The following DPP10 variants were observed in gnomAD, a reference collection of about 807,000 sequenced individuals.
The protein encoded by DPP10 is dipeptidyl peptidase like 10.
Under a neutral mutation model 120.9 loss-of-function variants are expected in DPP10, and 33 were observed. The observed-to-expected ratio is 0.27, with a 90% CI of 0.21 to 0.37. The LOEUF is 0.37. Among genes scored for constraint, DPP10 ranks in the 10% least tolerant of loss-of-function variants. The pLI, the probability that DPP10 is intolerant of heterozygous loss-of-function variation, is 1.00. For missense variants in DPP10, 816 were observed against 942.8 expected (o/e 0.87, Z 1.76); for synonymous variants, 337 against 326.1 (o/e 1.03, Z -0.36).
At chr2:115,742,328 T>C (rs1313124333) in intron 9 of DPP10, among the ~76,000 whole-genome samples, 2 of 152,188 alleles carry the variant, frequency 1.3e-5, no homozygotes, top group South Asian at 2.1e-4. Context: ...CATATACATA[T>C]GGAGCTCTGT....
chr2:115,382,070 G>T (rs1392455023), intron 3 of DPP10, among the ~76,000 whole-genome samples: 2 of 152,188 alleles, frequency 1.3e-5, no homozygotes, highest in Non-Finnish European at 2.9e-5. Context: ...TTGAGCTGTG[G>T]TGGGCTCCAC....
At chr2:115,753,031 A>G (rs952245837) in intron 10 of DPP10, 143 bp from the exon 11 acceptor site, 8 of 568,884 alleles carry the variant, frequency 1.4e-5, no homozygotes, top group African/African-American at 3.8e-5. Flanking sequence ...CTATTTATCT[A>G]TCTATCTATA....
intron 1 of DPP10, among the ~76,000 whole-genome samples, chr2:114,901,915 A>T (rs539617719): frequency 6.6e-6 from 1 of 152,346 alleles, no homozygotes; most frequent in African/African-American, 2.4e-5. Context: ...TCAAAGCACA[A>T]GCAGACCAGT....
intron 1 of DPP10, among the ~76,000 whole-genome samples, chr2:115,140,422 C>T (rs2050866123): frequency 6.6e-6 from 1 of 152,168 alleles, no homozygotes; most frequent in Non-Finnish European, 1.5e-5. Flanking sequence ...CTGGTGATAA[C>T]AAAGAGGCGA....
chr2:115,236,125 A>G (rs1283138793), intron 1 of DPP10, among the ~76,000 whole-genome samples: 1 of 152,228 alleles, frequency 6.6e-6, no homozygotes, highest in East Asian at 1.9e-4. Flanking sequence ...GATAATTGTA[A>G]CCATATAAGG....
At chr2:115,165,109 G>T (rs1013529154) in intron 1 of DPP10, among the ~76,000 whole-genome samples, 1 of 152,154 alleles carries the variant, frequency 6.6e-6, no homozygotes, top group Non-Finnish European at 1.5e-5. Context: ...AACTCTAGTG[G>T]CTAATTGTAA....
intron 1 of DPP10, among the ~76,000 whole-genome samples, chr2:114,659,328 A>ATTT (rs34905999): frequency 1.9e-4 from 29 of 150,438 alleles, no homozygotes; most frequent in Non-Finnish European, 2.5e-4. Context: ...ATAGCAAGCA[A>ATTT]TTTTTTTTTT....
intron 1 of DPP10, among the ~76,000 whole-genome samples, chr2:114,959,775 G>C (rs1698475130): frequency 6.6e-6 from 1 of 152,196 alleles, no homozygotes; most frequent in South Asian, 2.1e-4. Context: ...GGGATATGCA[G>C]TTGAATGCTA....
intron 1 of DPP10, among the ~76,000 whole-genome samples, chr2:114,966,700 A>T (rs968611124): frequency 2.0e-5 from 3 of 152,230 alleles, no homozygotes; most frequent in Admixed American, 1.3e-4. Flanking sequence ...TGACCAGAGG[A>T]ATTTCACCTC....
intron 1 of DPP10, among the ~76,000 whole-genome samples, chr2:114,569,179 A>G (rs1373386840): frequency 6.6e-6 from 1 of 152,202 alleles, no homozygotes; most frequent in African/African-American, 2.4e-5. Context: ...AGTCTCTTAG[A>G]GTCCCTGAAG....
intron 1 of DPP10, among the ~76,000 whole-genome samples, chr2:114,881,457 G>GTCTATCTATCTATCTATCTATCTA (rs56811813): frequency 3.1e-4 from 44 of 144,212 alleles, no homozygotes; most frequent in South Asian, 6.7e-4. Context: ...CTGTCTGTCT[G>GTCTATCTATCTATCTATCTATCTA]TCTATCTATC....
intron 1 of DPP10, among the ~76,000 whole-genome samples, chr2:114,662,597 T>C (rs1304963793): frequency 1.3e-5 from 2 of 152,038 alleles, no homozygotes; most frequent in Non-Finnish European, 2.9e-5. Context: ...CGTTCTTCCC[T>C]GAGAACACGG....
chr2:115,598,912 A>G (rs1440083399), intron 5 of DPP10, among the ~76,000 whole-genome samples: 2 of 151,314 alleles, frequency 1.3e-5, no homozygotes, highest in African/African-American at 4.8e-5. Flanking sequence ...TTCGATATTA[A>G]TTTTTGAAAC....
At chr2:115,658,056 T>G (rs1471047396) in intron 5 of DPP10, among the ~76,000 whole-genome samples, 1 of 151,938 alleles carries the variant, frequency 6.6e-6, no homozygotes, top group Non-Finnish European at 1.5e-5. Context: ...ATGTGTTAAT[T>G]TTTATTTCAA....
At chr2:115,049,471 A>G (rs1200461782) in intron 1 of DPP10, among the ~76,000 whole-genome samples, 1 of 152,166 alleles carries the variant, frequency 6.6e-6, no homozygotes, top group East Asian at 1.9e-4. Flanking sequence ...TGCAATGGAG[A>G]CAATATTTGC....
chr2:115,343,917 G>T lies in DPP10; in HGVS notation c.271+5G>T, dbSNP rs997652023. The T allele has an allele frequency of 2.5e-6, 4 of 1,589,900 alleles. No homozygotes were observed. The Admixed American group carries it at 7.1e-5, about 28-fold the overall frequency. ...CAGAGGCTCGGTGGATCAATGGTAA[G>T]TGTATACCTTTTTAAACATTGTATT... On this transcript the variant is annotated splice_donor_5th_base_variant and intron_variant, in intron 3 of 25. Transcript: ENST00000410059.
chr2:114,733,361 T>C (rs1019939598), intron 1 of DPP10, among the ~76,000 whole-genome samples: 66 of 152,278 alleles, frequency 4.3e-4, no homozygotes, highest in African/African-American at 1.5e-3. Flanking sequence ...TTTGGATCTT[T>C]GGCTGGGAAT....
At chr2:115,132,435 T>C (rs1367647514) in intron 1 of DPP10, among the ~76,000 whole-genome samples, 1 of 152,182 alleles carries the variant, frequency 6.6e-6, no homozygotes, top group Non-Finnish European at 1.5e-5. Context: ...ACAGCTTTGC[T>C]GTCATTTCAA....
intron 1 of DPP10, among the ~76,000 whole-genome samples, chr2:115,038,545 G>C (rs890504758): frequency 9.9e-5 from 15 of 151,970 alleles, no homozygotes; most frequent in Non-Finnish European, 1.5e-5. Context: ...CCAAAGTGCT[G>C]GAATTACAAG....
Sources: gnomAD v4.1 joint callset for allele counts (sites outside exome capture counted in the v4.1 genomes callset) on GRCh38, gnomAD v4.1.1 for gene constraint, MANE v1.5 for transcripts, NCBI Gene and HGNC (gene_info 2026-07-23, HGNC 2026-07-21) for gene names.